RHCE: variants seen among roughly 807,000 people sequenced by gnomAD.
RHCE encodes the protein Rh blood group CcEe antigens.
In RHCE, 22 loss-of-function variants were observed where a neutral mutation model predicts 43.8. The observed-to-expected ratio is 0.50, with a 90% CI of 0.36 to 0.72. The LOEUF is 0.72. RHCE is among the 30% of genes least tolerant of loss of function. The probability of loss-of-function intolerance (pLI) is 0.00; values close to 1 mark genes in which losing one functional copy is unlikely to be tolerated. For missense variants in RHCE, 385 were observed against 525.4 expected (o/e 0.73, Z 2.61); for synonymous variants, 156 against 210.7 (o/e 0.74, Z 2.25).
At chr1:25,371,221 C>T (rs1366172830) in intron 8 of RHCE, among the ~76,000 whole-genome samples, 2 of 151,256 alleles carry the variant, frequency 1.3e-5, no homozygotes, top group South Asian at 4.2e-4. Context: ...AGGGCGACTC[C>T]AGTTGGGTGC....
At chr1:25,401,978 G>A (rs1646761612) in intron 3 of RHCE, among the ~76,000 whole-genome samples, 1 of 152,084 alleles carries the variant, frequency 6.6e-6, no homozygotes, top group East Asian at 1.9e-4. Flanking sequence ...CCGGGTTCAA[G>A]CGATTCTCTT....
chr1:25,410,943 T>A (rs888462787), intron 1 of RHCE, among the ~76,000 whole-genome samples: 2 of 151,832 alleles, frequency 1.3e-5, no homozygotes, highest in African/African-American at 4.8e-5. Flanking sequence ...TACAAAAAAA[T>A]TAGCTGGATG....
At chr1:25,415,745 C>T (rs1025901226) in intron 1 of RHCE, among the ~76,000 whole-genome samples, 4 of 151,618 alleles carry the variant, frequency 2.6e-5, no homozygotes, top group Admixed American at 1.3e-4. Context: ...GTACTATCAT[C>T]CTCTGACAGA....
intron 3 of RHCE, among the ~76,000 whole-genome samples, chr1:25,402,313 A>T (rs1267728178): frequency 6.6e-6 from 1 of 151,756 alleles, no homozygotes; most frequent in Non-Finnish European, 1.5e-5. Flanking sequence ...TCCTGGGCTC[A>T]AGCAATCCTT....
chr1:25,408,859 A>G lies in RHCE; in HGVS notation c.159T>C (p.Asp53=). 2 of 1,283,514 alleles carry G rather than the reference A, an allele frequency of 1.6e-6. 1 individual carries two copies. Among genetic ancestry groups the G allele is most frequent in the Non-Finnish European group, 2.1e-6 (2 of 963,026 alleles). 79.5% of individuals were successfully genotyped at this position (1,283,514 alleles called of 1,614,324 possible). Residue 53 remains aspartate, a synonymous_variant, in exon 2 of 10, where the codon GAT becomes GAC. Coordinates refer to ENST00000294413, the MANE Select transcript of RHCE (RefSeq NM_020485.8). ...GLVASYQVGQ[D]LTVMAALGLG... ...AGCCAAGGGCCGCCATCACGGTCAG[A>G]TCTTGGCCGACTGCTCGGTGGGGAG...
chr1:25,425,656 G>A (rs1009777424), upstream of RHCE, among the ~76,000 whole-genome samples: 9 of 151,670 alleles, frequency 5.9e-5, no homozygotes, highest in African/African-American at 1.9e-4. Flanking sequence ...CTATGTCCAC[G>A]GCGTGCTGGT....
Position 25,408,458 on chromosome 1 carries a change from G to A in RHCE, c.335+225C>T, listed in dbSNP as rs1446983543. ...AAGGATGCAGGAGGAATGTAGGCCT[G>A]GATTCCTTGTGATACACAGAGTAGG... On this transcript the variant is annotated intron_variant, in intron 2 of 9. Transcript: ENST00000294413. 5.7e-5 allele frequency among the ~76,000 whole-genome samples: 7 copies of A among 123,156 alleles called. 1 individual carries two copies. Among genetic ancestry groups the A allele is most frequent in the African/African-American group, 1.8e-4 (7 of 39,744 alleles). 80.8% of individuals were successfully genotyped at this position (123,156 alleles called of 152,430 possible). A position where few individuals can be genotyped will look rare whatever the true frequency, so the allele number is the denominator to read the frequency against.
At chr1:25,389,637 C>CACATATAAAGCTCTTAGTCCAGT (rs1557616050) in intron 5 of RHCE, among the ~76,000 whole-genome samples, 1 of 152,060 alleles carries the variant, frequency 6.6e-6, no homozygotes, top group African/African-American at 2.4e-5. Flanking sequence ...AATGAGTTTC[C>CACATATAAAGCTCTTAGTCCAGT]ACATATAAAG....
At chr1:25,383,390 A>G (rs1457417889) in intron 7 of RHCE, among the ~76,000 whole-genome samples, 1 of 152,204 alleles carries the variant, frequency 6.6e-6, no homozygotes, top group Non-Finnish European at 1.5e-5. Context: ...GTGACTTTGC[A>G]CTTAATCCTC....
intron 1 of RHCE, among the ~76,000 whole-genome samples, chr1:25,410,944 T>C (rs1443440260): frequency 6.6e-6 from 1 of 151,820 alleles, no homozygotes; most frequent in Non-Finnish European, 1.5e-5. Context: ...ACAAAAAAAT[T>C]AGCTGGATGT....
At chr1:25,397,111 C>CAAAA (rs151106139) in intron 3 of RHCE, among the ~76,000 whole-genome samples, 10 of 57,966 alleles carry the variant, frequency 1.7e-4, no homozygotes, top group East Asian at 1.0e-3. Flanking sequence ...GACTCTGTCT[C>CAAAA]AAAAAAAAAA....
intron 1 of RHCE, chr1:25,411,211 C>A: frequency 8.5e-7 from 1 of 1,173,394 alleles, no homozygotes; most frequent in Non-Finnish European, 1.2e-6. Context: ...GTAATTAGAG[C>A]CACCTGAGAG....
At chr1:25,420,016 CAA>C (rs1280941313) in intron 1 of RHCE, among the ~76,000 whole-genome samples, 4 of 128,892 alleles carry the variant, frequency 3.1e-5, no homozygotes, top group African/African-American at 3.3e-5. Flanking sequence ...ACATCTCTAC[CAA>C]AAAAAAAAAA....
intron 2 of RHCE, among the ~76,000 whole-genome samples, chr1:25,428,691 T>A (rs1557652254): frequency 6.6e-6 from 1 of 152,222 alleles, no homozygotes; most frequent in Non-Finnish European, 1.5e-5. Context: ...TAGTAACTTG[T>A]CCAAGCTAGT....
At chr1:25,387,044 AT>A (rs1342414277) in intron 6 of RHCE, among the ~76,000 whole-genome samples, 1 of 152,172 alleles carries the variant, frequency 6.6e-6, no homozygotes, top group Non-Finnish European at 1.5e-5. Flanking sequence ...AAATAAAAAA[AT>A]AAGTAAATAA....
chr1:25,381,081 A>C (rs1322436837), intron 7 of RHCE, among the ~76,000 whole-genome samples: 1 of 151,522 alleles, frequency 6.6e-6, no homozygotes, highest in Admixed American at 6.6e-5. Context: ...TATGTGTACT[A>C]GTTTTCTTAT....
chr1:25,404,851 T>C (rs1646866232), intron 2 of RHCE, among the ~76,000 whole-genome samples: 1 of 151,570 alleles, frequency 6.6e-6, no homozygotes, highest in Non-Finnish European at 1.5e-5. Flanking sequence ...TTATTGCTAT[T>C]ATCTTCTAGG....
rs1343374800 is a variant in RHCE, at chr1:25,392,205, G to A, written c.487-64C>T. 197 of 1,612,342 alleles carry A rather than the reference G, an allele frequency of 1.2e-4. No individual in the cohort carries two copies. In the African/African-American group the frequency reaches 1.7e-3, roughly 14 times the overall value. ...CCTCTGCCCAGGGGAAAGCCCTGAT[G>A]GTCCTTGGAGAAAGTTCAGAGCTTC... On this transcript the variant is annotated intron_variant, in intron 3 of 9. Coordinates refer to ENST00000294413, the MANE Select transcript of RHCE (RefSeq NM_020485.8).
chr1:25,389,824 A>G (rs28404521), intron 5 of RHCE, among the ~76,000 whole-genome samples: 12,037 of 151,532 alleles, frequency 0.079, 1,479 homozygotes, highest in African/African-American at 0.27. Context: ...GTCCTTCACT[A>G]CTCCAGAACC....
Sources: gnomAD v4.1 joint callset for allele counts (sites outside exome capture counted in the v4.1 genomes callset) on GRCh38, gnomAD v4.1.1 for gene constraint, MANE v1.5 for transcripts, NCBI Gene and HGNC (gene_info 2026-07-23, HGNC 2026-07-21) for gene names.